MEF2C: variants seen among roughly 807,000 people sequenced by gnomAD.
MEF2C encodes the protein myocyte enhancer factor 2C.
MEF2C carries 6 observed loss-of-function variants against 50.5 expected under a neutral mutation model. The ratio of observed to expected loss-of-function variants is 0.12; its 90% confidence interval spans 0.07 to 0.23. MEF2C has a LOEUF of 0.23. MEF2C is among the 10% of genes least tolerant of loss of function. The pLI is 1.00. For synonymous variants in MEF2C, 183 were observed against 228.0 expected (o/e 0.80, Z 1.78); for missense variants, 276 against 605.0 (o/e 0.46, Z 5.70).
At chr5:88,844,689 A>C in intron 1 of MEF2C, 1 of 555,978 alleles carries the variant, frequency 1.8e-6, no homozygotes, top group Non-Finnish European at 2.3e-6. Flanking sequence ...ATTTAAAGTC[A>C]TTCCAAAAAC....
At chr5:88,774,149 A>G (rs1783688810) in intron 3 of MEF2C, among the ~76,000 whole-genome samples, 1 of 152,164 alleles carries the variant, frequency 6.6e-6, no homozygotes, top group South Asian at 2.1e-4. Flanking sequence ...TTGCAGGTTC[A>G]ACAGTTGACC....
chr5:88,726,295 C>T (rs748826559), intron 10 of MEF2C, among the ~76,000 whole-genome samples: 23 of 152,174 alleles, frequency 1.5e-4, no homozygotes, highest in Middle Eastern at 3.4e-3. Flanking sequence ...CAAATCTCTG[C>T]GACAACTTTG....
At chr5:88,824,857 C>T (rs910105838) in intron 1 of MEF2C, 6 of 151,792 alleles carry the variant, frequency 4.0e-5, no homozygotes, top group Non-Finnish European at 7.4e-5. Context: ...GCCCAAGAAA[C>T]CCAGAATATT....
intron 1 of MEF2C, among the ~76,000 whole-genome samples, chr5:88,853,408 ACGTTCTGTT>A (rs1299714759): frequency 1.3e-5 from 2 of 152,326 alleles, no homozygotes; most frequent in East Asian, 3.9e-4. Flanking sequence ...TTAAGAAGAA[ACGTTCTGTT>A]AGCTCCATAA....
rs2280051 is a variant in MEF2C, at chr5:88,814,276, T to C, written c.54+9459A>G. ...TGTCATTAGAAAGGCTCGCGAGCTT[T>C]AGGCCCGATGATTACTCTCGGTGGG... On this transcript the variant is annotated intron_variant, in intron 2 of 10. Transcript: ENST00000504921. Among the ~76,000 whole-genome samples, 417 of 151,956 alleles carry C rather than the reference T, an allele frequency of 2.7e-3. 24 individuals are homozygous for C. In the East Asian group the frequency reaches 0.071, roughly 26 times the overall value.
intron 3 of MEF2C, among the ~76,000 whole-genome samples, chr5:88,791,371 T>A (rs1220136256): frequency 2.0e-5 from 3 of 152,154 alleles, no homozygotes; most frequent in Non-Finnish European, 1.5e-5. Context: ...ATGGTAATGA[T>A]TAATATTGAT....
At chr5:88,847,965 T>G (rs1033512840) in intron 1 of MEF2C, among the ~76,000 whole-genome samples, 1 of 152,090 alleles carries the variant, frequency 6.6e-6, no homozygotes, top group Non-Finnish European at 1.5e-5. Flanking sequence ...AAAGTTAGAG[T>G]CAAATAAATT....
At chr5:88,773,674 A>G (rs1203954279) in intron 3 of MEF2C, among the ~76,000 whole-genome samples, 2 of 152,172 alleles carry the variant, frequency 1.3e-5, no homozygotes, top group Non-Finnish European at 2.9e-5. Context: ...ACTAATGGTA[A>G]GGACAGCCTG....
intron 4 of MEF2C, among the ~76,000 whole-genome samples, chr5:88,758,921 GTC>G (rs1776597157): frequency 6.6e-6 from 1 of 152,164 alleles, no homozygotes. Context: ...TGTATTACAT[GTC>G]TCTCTCCCTA....
intron 1 of MEF2C, among the ~76,000 whole-genome samples, chr5:88,850,771 T>C (rs1336831452): frequency 2.6e-5 from 4 of 152,020 alleles, no homozygotes; most frequent in African/African-American, 4.8e-5. Flanking sequence ...AGAATATATA[T>C]GTACAGTTGA....
At chr5:88,745,678 G>A (rs557097614) in intron 6 of MEF2C, among the ~76,000 whole-genome samples, 1 of 152,302 alleles carries the variant, frequency 6.6e-6, no homozygotes, top group African/African-American at 2.4e-5. Flanking sequence ...AGCCAGGCAT[G>A]GTGGTGCATG....
chr5:88,730,818 T>C (rs564148236), intron 7 of MEF2C, among the ~76,000 whole-genome samples: 10 of 152,294 alleles, frequency 6.6e-5, no homozygotes, highest in East Asian at 1.9e-4. Context: ...CACAGGACTG[T>C]TTTACCCTGA....
intron 3 of MEF2C, among the ~76,000 whole-genome samples, chr5:88,789,371 T>C (rs1468789296): frequency 6.6e-6 from 1 of 152,086 alleles, no homozygotes; most frequent in Non-Finnish European, 1.5e-5. Context: ...TCTCTGTATG[T>C]TGCCCAGGCT....
intron 3 of MEF2C, among the ~76,000 whole-genome samples, chr5:88,792,812 T>A (rs1311937214): frequency 6.6e-6 from 1 of 152,238 alleles, no homozygotes; most frequent in Admixed American, 6.5e-5. Context: ...TGAGTGTTTT[T>A]AAATTGTGCT....
intron 6 of MEF2C, chr5:88,734,984 C>A: frequency 2.0e-6 from 2 of 985,244 alleles, no homozygotes; most frequent in African/African-American, 3.5e-5. Flanking sequence ...CATATTGTGC[C>A]AGCTAGCATT....
chr5:88,756,155 A>AT (rs1163826854), intron 4 of MEF2C, among the ~76,000 whole-genome samples: 1 of 152,146 alleles, frequency 6.6e-6, no homozygotes, highest in Admixed American at 6.5e-5. Flanking sequence ...ACCTATAATA[A>AT]TTTTTTAAAA....
intron 6 of MEF2C, chr5:88,737,845 T>C (rs1235745324): frequency 4.1e-6 from 4 of 985,254 alleles, no homozygotes; most frequent in Non-Finnish European, 4.8e-6. Context: ...GGCTTTATAC[T>C]AAGCTTTTAC....
intron 6 of MEF2C, chr5:88,741,801 T>C: frequency 1.0e-6 from 1 of 985,084 alleles, no homozygotes; most frequent in African/African-American, 1.7e-5. Context: ...TCTAGTAAAA[T>C]AGATAAACTT....
At chr5:88,857,376 CT>C (rs1202067376) in intron 1 of MEF2C, among the ~76,000 whole-genome samples, 1 of 152,142 alleles carries the variant, frequency 6.6e-6, no homozygotes, top group African/African-American at 2.4e-5. Flanking sequence ...GTGGAAGGGA[CT>C]TGCCGTGTCT....
Sources: allele counts gnomAD v4.1 joint callset (sites outside exome capture counted in the v4.1 genomes callset), GRCh38; gene constraint gnomAD v4.1.1; transcripts MANE v1.5; gene names NCBI Gene and HGNC (gene_info 2026-07-23, HGNC 2026-07-21).